The following GPHN variants were observed in gnomAD, a reference collection of about 807,000 sequenced individuals.
GPHN encodes the protein gephyrin.
In GPHN, 17 loss-of-function variants were observed where a neutral mutation model predicts 95.5. The ratio of observed to expected loss-of-function variants is 0.18; its 90% CI spans 0.12 to 0.27. The LOEUF (loss-of-function observed/expected upper bound fraction) is 0.27, where lower values mean the gene tolerates loss of function less well. GPHN is among the 10% of genes least tolerant of loss of function. The probability of loss-of-function intolerance (pLI) is 1.00; values close to 1 mark genes in which losing one functional copy is unlikely to be tolerated. For synonymous variants in GPHN, 320 were observed against 322.5 expected, an observed-to-expected ratio of 0.99 and a Z score of 0.08; for missense variants, 660 against 978.1, an observed-to-expected ratio of 0.67 and a Z score of 4.34.
intron 17 of GPHN, among the ~76,000 whole-genome samples, chr14:67,138,065 A>G (rs1393326752): frequency 6.6e-6 from 1 of 152,166 alleles, no homozygotes; most frequent in Non-Finnish European, 1.5e-5. Context: ...ATGCTGATAA[A>G]TAGCTTTTAT....
At chr14:66,952,983 T>G (rs1243458381) in intron 8 of GPHN, among the ~76,000 whole-genome samples, 3 of 151,476 alleles carry the variant, frequency 2.0e-5, no homozygotes, top group South Asian at 4.2e-4. Flanking sequence ...TGTGAGCCAC[T>G]GCACCGGGCC....
At chr14:67,637,985 G>A in the GPHN span, among the ~76,000 whole-genome samples, 4 of 152,240 alleles carry the variant, frequency 2.6e-5, no homozygotes, top group Admixed American at 6.5e-5. Context: ...TTCCTCTCCC[G>A]CTGCCTTGAA....
intron 1 of GPHN, among the ~76,000 whole-genome samples, chr14:66,544,839 C>T (rs1001665177): frequency 6.6e-6 from 1 of 151,950 alleles, no homozygotes; most frequent in African/African-American, 2.4e-5. Flanking sequence ...GCACATCTTG[C>T]ACCGCCCTTA....
At chr14:67,027,253 C>T (rs2073974688) in intron 10 of GPHN, among the ~76,000 whole-genome samples, 1 of 152,076 alleles carries the variant, frequency 6.6e-6, no homozygotes, top group Non-Finnish European at 1.5e-5. Context: ...TGGTTTTATG[C>T]AAGAAATCAA....
chr14:67,404,714 G>T, the GPHN span, among the ~76,000 whole-genome samples: 1 of 152,050 alleles, frequency 6.6e-6, no homozygotes, highest in East Asian at 1.9e-4. Context: ...GGAGGCTGAG[G>T]TGGGAGGATC....
At chr14:67,430,518 T>C in the GPHN span, among the ~76,000 whole-genome samples, 1 of 152,164 alleles carries the variant, frequency 6.6e-6, no homozygotes, top group Admixed American at 6.5e-5. Context: ...CCCTCCATCC[T>C]AAGGAAAGAA....
At chr14:66,687,342 G>A (rs1242094547) in intron 2 of GPHN, among the ~76,000 whole-genome samples, 1 of 151,896 alleles carries the variant, frequency 6.6e-6, no homozygotes, top group Non-Finnish European at 1.5e-5. Flanking sequence ...GTCTTTTATG[G>A]TTTCATACCA....
At chr14:66,550,676 C>T in intron 1 of GPHN, among the ~76,000 whole-genome samples, 1 of 152,190 alleles carries the variant, frequency 6.6e-6, no homozygotes, top group East Asian at 1.9e-4. Flanking sequence ...ACTGATGCAG[C>T]AACTTCATTG....
intron 4 of GPHN, among the ~76,000 whole-genome samples, chr14:66,848,573 A>C (rs2062438019): frequency 6.6e-6 from 1 of 152,092 alleles, no homozygotes; most frequent in Non-Finnish European, 1.5e-5. Flanking sequence ...TTAAGATATT[A>C]GGAGCACACC....
chr14:67,431,818 G>T, the GPHN span, among the ~76,000 whole-genome samples: 1 of 152,184 alleles, frequency 6.6e-6, no homozygotes, highest in Non-Finnish European at 1.5e-5. Context: ...AGAGGTTTCC[G>T]CAGGGGGCAG....
rs530419189 is a variant in GPHN at position 67,141,303 on chromosome 14, A to G, written c.1749-2059A>G. Among the ~76,000 whole-genome samples the G allele has an allele frequency of 7.9e-5, 12 of 152,238 alleles. No individual in the cohort carries two copies. The South Asian group carries it at 2.5e-3, about 32-fold the overall frequency. ...CTACCTTGCCATTTGGACCTTTCAT[A>G]TTTAGCTCTGTGAATGTATTTAAGT... On this transcript the variant is annotated intron_variant, in intron 17 of 22. Coordinates refer to ENST00000478722, the MANE Select transcript of GPHN (RefSeq NM_020806.5).
chr14:67,391,271 A>ATGTGTGTGTG, the GPHN span, among the ~76,000 whole-genome samples: 1,625 of 143,864 alleles, frequency 0.011, 22 homozygotes, highest in African/African-American at 0.033. Context: ...AGCAGCTGAT[A>ATGTGTGTGTG]TGTGTGTGTG....
chr14:66,949,323 C>A (rs529924847), intron 8 of GPHN, among the ~76,000 whole-genome samples: 83 of 152,262 alleles, frequency 5.5e-4, no homozygotes, highest in African/African-American at 1.8e-3. Flanking sequence ...TGGTCTCAAA[C>A]TCCTGACCTC....
chr14:67,301,496 G>A, the GPHN span: 462 of 1,490,996 alleles, frequency 3.1e-4, no homozygotes, highest in Non-Finnish European at 3.2e-4. Context: ...CTATATATGT[G>A]GTTTTTCCAG....
chr14:66,893,851 A>G (rs143005052), intron 5 of GPHN, among the ~76,000 whole-genome samples: 1,556 of 152,330 alleles, frequency 0.01, 11 homozygotes, highest in Middle Eastern at 0.017. Context: ...TTACTGCTCA[A>G]CAAAATAAAA....
chr14:66,954,991 T>C (rs2068389732), intron 8 of GPHN, among the ~76,000 whole-genome samples: 2 of 152,220 alleles, frequency 1.3e-5, no homozygotes, highest in South Asian at 2.1e-4. Context: ...ATAATTGTTT[T>C]AGTATAATAT....
At chr14:67,055,697 T>C (rs1220074416) in intron 10 of GPHN, among the ~76,000 whole-genome samples, 1 of 152,208 alleles carries the variant, frequency 6.6e-6, no homozygotes. Context: ...ATGTGGTACC[T>C]ATGTGTCCAG....
At chr14:66,694,502 C>G (rs1207660019) in intron 2 of GPHN, among the ~76,000 whole-genome samples, 1 of 152,104 alleles carries the variant, frequency 6.6e-6, no homozygotes, top group Non-Finnish European at 1.5e-5. Flanking sequence ...GCTGGAACAC[C>G]TGGACATCTG....
the GPHN span, chr14:67,359,819 CTT>C: frequency 8.5e-7 from 1 of 1,172,664 alleles, no homozygotes; most frequent in African/African-American, 1.5e-5. Context: ...CTTGACCCCT[CTT>C]GTTGCTAAGA....
Sources: gnomAD v4.1 joint callset for allele counts (sites outside exome capture counted in the v4.1 genomes callset) on GRCh38, gnomAD v4.1.1 for gene constraint, MANE v1.5 for transcripts, NCBI Gene and HGNC (gene_info 2026-07-23, HGNC 2026-07-21) for gene names.